The following SCRT2 variants were observed in gnomAD, a reference collection of about 807,000 sequenced individuals.
The protein encoded by SCRT2 is transcriptional repressor scratch 2.
Under a neutral mutation model 3.7 loss-of-function variants are expected in SCRT2, and 2 were observed. The ratio of observed to expected loss-of-function variants is 0.54; its 90% CI spans 0.22 to 1.70. SCRT2 has a LOEUF of 1.70. Among genes scored for constraint, SCRT2 ranks in the 40% most tolerant of loss-of-function variants. The pLI, the probability that SCRT2 is intolerant of heterozygous loss-of-function variation, is 0.19. For missense variants in SCRT2, 456 were observed against 468.5 expected (o/e 0.97, Z 0.25); for synonymous variants, 256 against 220.6 (o/e 1.16, Z -1.42).
At chr20:673,861 C>T (rs1984423801) in intron 1 of SCRT2, among the ~76,000 whole-genome samples, 1 of 152,112 alleles carries the variant, frequency 6.6e-6, no homozygotes, top group African/African-American at 2.4e-5. Flanking sequence ...AGTGTCAGTC[C>T]CTTAAGAGAT....
At chr20:670,311 C>A (rs375775244) in intron 1 of SCRT2, among the ~76,000 whole-genome samples, 2 of 152,194 alleles carry the variant, frequency 1.3e-5, no homozygotes, top group Non-Finnish European at 2.9e-5. Context: ...CCTCTTCCCC[C>A]GGCCTCCTAC....
Position 675,404 on chromosome 20 carries a change from T to G in SCRT2, c.133+65A>C. The G allele has an allele frequency of 8.1e-7, 1 of 1,227,242 alleles. No homozygotes were observed. Among genetic ancestry groups the G allele is most frequent in the Non-Finnish European group, 1.0e-6 (1 of 965,180 alleles). 76.0% of individuals were successfully genotyped at this position (1,227,242 alleles called of 1,614,324 possible). ...ACGCGCCCCTCCTCGTGGCCCAAGCTGGGGAGGGCCCCAGCTCCCCTCGCC... is the reference window on the plus strand; with the variant it reads ...ACGCGCCCCTCCTCGTGGCCCAAGCGGGGGAGGGCCCCAGCTCCCCTCGCC... On this transcript the variant is annotated intron_variant, in intron 1 of 1. Coordinates refer to ENST00000246104, the MANE Select transcript of SCRT2 (RefSeq NM_033129.4). The surrounding 1 kb of genome is among the most constrained non-coding windows in gnomAD (Gnocchi z 6.9).
chr20:670,644 C>T (rs1361330932), intron 1 of SCRT2, among the ~76,000 whole-genome samples: 1 of 152,200 alleles, frequency 6.6e-6, no homozygotes, highest in Non-Finnish European at 1.5e-5. Flanking sequence ...CCTCCCCTGC[C>T]CCCCGCTGCC....
rs1984149176 is a variant in SCRT2, at chr20:666,162, C to G, written c.134-1701G>C. ...AAGTGGATGACTCGGAAGCGGGGGG[C>G]TCTGTGGTTGGATGTAAAGGGGGAT... is the stretch of plus-strand genomic sequence containing the variant. On this transcript the variant is annotated intron_variant, in intron 1 of 1. Coordinates refer to ENST00000246104, the MANE Select transcript of SCRT2 (RefSeq NM_033129.4). The surrounding 1 kb of genome is among the most constrained non-coding windows in gnomAD (Gnocchi z 4.4). Among the ~76,000 whole-genome samples, 1 of 152,086 alleles carries G rather than the reference C, an allele frequency of 6.6e-6. No individual in the cohort carries two copies. The highest frequency in any genetic ancestry group is 2.4e-5 in the African/African-American group (1 of 41,410).
Position 667,087 on chromosome 20 carries a change from C to G in SCRT2, c.134-2626G>C, listed in dbSNP as rs1300417056. Among the ~76,000 whole-genome samples, 1 of 152,150 alleles carries G rather than the reference C, an allele frequency of 6.6e-6. No individual in the cohort carries two copies. Among genetic ancestry groups the G allele is most frequent in the South Asian group, 2.1e-4 (1 of 4,828 alleles). ...GTGTGACCTTGGCCAAACGATTTGG[C>G]CTCTGTGTGACTCTACCGTTTCAGT... On this transcript the variant is annotated intron_variant, in intron 1 of 1. Transcript: ENST00000246104. The surrounding 1 kb of genome is among the most constrained non-coding windows in gnomAD (Gnocchi z 4.4).
chr20:671,771 G>T (rs1425000453), intron 1 of SCRT2, among the ~76,000 whole-genome samples: 1 of 152,216 alleles, frequency 6.6e-6, no homozygotes, highest in Admixed American at 6.5e-5. Context: ...TGTGTTATTG[G>T]ATTGGCATTG....
Position 664,511 on chromosome 20 carries a change from G to A in SCRT2, c.134-50C>T, listed in dbSNP as rs1266323831. 1.3e-5 allele frequency: 16 copies of A among 1,189,096 alleles called. No individual in the cohort carries two copies. Among genetic ancestry groups the A allele is most frequent in the Non-Finnish European group, 1.1e-6 (1 of 945,770 alleles). 73.7% of individuals were successfully genotyped at this position (1,189,096 alleles called of 1,614,324 possible). ...GCGGTGAGAGGAGGCGCCGAAGAGG[G>A]TTTCCCGCTTTGAGCGCGTCACCCT... On this transcript the variant is annotated intron_variant, in intron 1 of 1. Transcript: ENST00000246104. This position sits in a 1 kb window ranked among gnomAD's most constrained non-coding sequence, Gnocchi z 7.9.
intron 1 of SCRT2, among the ~76,000 whole-genome samples, chr20:674,421 A>T (rs1478519405): frequency 6.0e-5 from 9 of 149,262 alleles, no homozygotes; most frequent in South Asian, 4.3e-4. Context: ...ACACACACAC[A>T]CACACACACA....
At position 667,229 on chromosome 20, in the gene SCRT2, C is replaced by T. The variant is rs1292302113; in HGVS notation, c.134-2768G>A. On this transcript the variant is annotated intron_variant, in intron 1 of 1. Transcript: ENST00000246104. This position sits in a 1 kb window ranked among gnomAD's most constrained non-coding sequence, Gnocchi z 4.4. Reference sequence around the variant, plus strand: ...ACATGAAAGCATTCTACCCCCATGACACACAAGGTGGTAGGTACCCTTTTA... The same window carrying T: ...ACATGAAAGCATTCTACCCCCATGATACACAAGGTGGTAGGTACCCTTTTA... 1.3e-5 allele frequency among the ~76,000 whole-genome samples: 2 copies of T among 152,186 alleles called. No homozygotes were observed. The highest frequency in any genetic ancestry group is 4.8e-5 in the African/African-American group (2 of 41,440).
Position 663,864 on chromosome 20 carries a change from T to G in SCRT2, c.731A>C (p.His244Pro). Residue 244 changes from histidine (H) to proline (P), a missense_variant, in exon 2 of 2, where the codon CAC (histidine) becomes CCC (proline). His to Pro is a moderately conservative substitution (Grantham distance 77). This residue lies in a region of SCRT2 where 144 missense variants were observed against 141.9 expected (regional missense o/e 1.01). Coordinates refer to ENST00000246104, the MANE Select transcript of SCRT2 (RefSeq NM_033129.4). The surrounding 1 kb of genome is among the most constrained non-coding windows in gnomAD (Gnocchi z 6.9). ...GCGGTCGGCGAAGGCCTTGCCGCAG[T>G]GCGCGCAGCCGAACGGCTTTTCGCC... ...HTGEKPFGCA[H>P]CGKAFADRSN... The G allele has an allele frequency of 6.3e-7, 1 of 1,598,646 alleles. No individual in the cohort carries two copies. Among genetic ancestry groups the G allele is most frequent in the Non-Finnish European group, 8.5e-7 (1 of 1,174,900 alleles).
Position 664,211 on chromosome 20 carries a change from G to A in SCRT2, c.384C>T (p.Asp128=). ...SRRRRGGGGG[D]AGGSGDAGGA... is the part of the protein sequence containing the mutation. ...CCCCCGCGTCTCCCGAGCCCCCCGC[G>A]TCCCCGCCGCCCCCGCCCCGCCGCC... The change falls in exon 2 of 2, where the codon GAC becomes GAT. Residue 128 remains aspartate, a synonymous_variant. Transcript: ENST00000246104. This position sits in a 1 kb window ranked among gnomAD's most constrained non-coding sequence, Gnocchi z 7.9. 8.5e-7 allele frequency: 1 copy of A among 1,181,732 alleles called. No individual in the cohort carries two copies. The highest frequency in any genetic ancestry group is 1.1e-6 in the Non-Finnish European group (1 of 946,412). The allele number at this position is 1,181,732 out of a possible 1,614,324, so 73.2% of individuals were successfully genotyped here.
At chr20:673,163 C>T (rs1048509289) in intron 1 of SCRT2, among the ~76,000 whole-genome samples, 6 of 152,160 alleles carry the variant, frequency 3.9e-5, no homozygotes, top group African/African-American at 1.4e-4. Flanking sequence ...GGGTAGCCTA[C>T]AGAGACCAAA....
In SCRT2 at chr20:675,204, A is replaced by T. The variant is rs534950058; in HGVS notation, c.133+265T>A. 6.6e-6 allele frequency among the ~76,000 whole-genome samples: 1 copy of T among 152,144 alleles called. No individual in the cohort carries two copies. Among genetic ancestry groups the T allele is most frequent in the East Asian group, 1.9e-4 (1 of 5,156 alleles). ...TGTTCTCTTGCCACCCCCTCACTCT[A>T]GCCCTATTTGAGGGCCACAACTTTC... On this transcript the variant is annotated intron_variant, in intron 1 of 1. Coordinates refer to ENST00000246104, the MANE Select transcript of SCRT2 (RefSeq NM_033129.4). This position sits in a 1 kb window ranked among gnomAD's most constrained non-coding sequence, Gnocchi z 6.9.
rs946000221 is a variant in SCRT2 at position 666,058 on chromosome 20, G to A, written c.134-1597C>T. ...AGTCTGTGTGCCCCTGAAGGCAAGG[G>A]TGTGCCCTTATTTTTACCTCTGTCC... On this transcript the variant is annotated intron_variant, in intron 1 of 1. Transcript: ENST00000246104. This position sits in a 1 kb window ranked among gnomAD's most constrained non-coding sequence, Gnocchi z 4.4. Among the ~76,000 whole-genome samples the A allele has an allele frequency of 1.3e-5, 2 of 152,212 alleles. No homozygotes were observed. The highest frequency in any genetic ancestry group is 1.9e-4 in the East Asian group (1 of 5,194).
Position 674,787 on chromosome 20 carries a change from T to C in SCRT2, c.133+682A>G, listed in dbSNP as rs186975760. Among the ~76,000 whole-genome samples, 3 of 134,358 alleles carry C rather than the reference T, an allele frequency of 2.2e-5. No homozygotes were observed. In the East Asian group the frequency reaches 6.5e-4, roughly 29 times the overall value. The allele number at this position is 134,358 out of a possible 152,430, so 88.1% of individuals were successfully genotyped here. A position where few individuals can be genotyped will look rare whatever the true frequency, so the allele number is the denominator to read the frequency against. The stretch of plus-strand genomic sequence containing the variant: ...GCAGCAGGGTTGGTTCTGGAGGGGG[T>C]TGAGAAGCTGGGGATGGGGAAGGAG... On this transcript the variant is annotated intron_variant, in intron 1 of 1. Coordinates refer to ENST00000246104, the MANE Select transcript of SCRT2 (RefSeq NM_033129.4).
At chr20:674,395 TCTCTCACACACACACACACACA>T (rs1177887732) in intron 1 of SCRT2, among the ~76,000 whole-genome samples, 3 of 98,186 alleles carry the variant, frequency 3.1e-5, no homozygotes, top group Non-Finnish European at 4.4e-5. Flanking sequence ...TCTCTCTCTC[TCTCTCACACACACACACACACA>T]CACACACACA....
chr20:665,890 G>C lies in SCRT2; in HGVS notation c.134-1429C>G, dbSNP rs1357815339. Among the ~76,000 whole-genome samples, 1 of 152,160 alleles carries C rather than the reference G, an allele frequency of 6.6e-6. No homozygotes were observed. Among genetic ancestry groups the C allele is most frequent in the African/African-American group, 2.4e-5 (1 of 41,436 alleles). On this transcript the variant is annotated intron_variant, in intron 1 of 1. Coordinates refer to ENST00000246104, the MANE Select transcript of SCRT2 (RefSeq NM_033129.4). This position sits in a 1 kb window ranked among gnomAD's most constrained non-coding sequence, Gnocchi z 5.0. ...TTCACTGAAGTGAGCAGGTGGAGGAGGGTTTTGTAAGGGGAAACAGGGTTC... is the reference window on the plus strand; with the variant it reads ...TTCACTGAAGTGAGCAGGTGGAGGACGGTTTTGTAAGGGGAAACAGGGTTC...
At chr20:673,496 G>A (rs982099677) in intron 1 of SCRT2, among the ~76,000 whole-genome samples, 1 of 152,230 alleles carries the variant, frequency 6.6e-6, no homozygotes, top group African/African-American at 2.4e-5. Flanking sequence ...CAGGTTTCTG[G>A]CTATCAGCAC....
At chr20:668,296 A>T (rs1600473232) in intron 1 of SCRT2, among the ~76,000 whole-genome samples, 2 of 152,090 alleles carry the variant, frequency 1.3e-5, no homozygotes, top group East Asian at 3.9e-4. Flanking sequence ...CTGAGCCTCA[A>T]CCCTGGAGAC....
Sources: gnomAD v4.1 joint callset for allele counts (sites outside exome capture counted in the v4.1 genomes callset) on GRCh38, gnomAD v4.1.1 for gene constraint, gnomAD v4.1.1 regional missense constraint, Gnocchi (gnomAD v3.1) non-coding constraint, MANE v1.5 for transcripts, NCBI Gene and HGNC (gene_info 2026-07-23, HGNC 2026-07-21) for gene names.